Variants in GPC6 observed in about 807,000 individuals in gnomAD.
GPC6 encodes the protein glypican 6.
GPC6 carries 14 observed loss-of-function variants against 55.2 expected under a neutral mutation model. That is an observed-to-expected ratio of 0.25 (90% confidence interval 0.17 to 0.40). GPC6 has a LOEUF of 0.40. GPC6 is among the 10% of genes least tolerant of loss of function. The probability of loss-of-function intolerance (pLI) is 1.00; values close to 1 mark genes in which losing one functional copy is unlikely to be tolerated. For missense variants in GPC6, 641 were observed against 708.5 expected (o/e 0.90, Z 1.08); for synonymous variants, 278 against 259.6 (o/e 1.07, Z -0.68).
Position 93,271,485 on chromosome 13 carries a change from G to A in GPC6, c.160+43869G>A, listed in dbSNP as rs185677142. 5.9e-5 allele frequency among the ~76,000 whole-genome samples: 9 copies of A among 152,046 alleles called. No individual in the cohort carries two copies. The East Asian group carries it at 1.7e-3, about 29-fold the overall frequency. ...ATCCTAGATAAACCCTAAGACAGTTGATAAAATGCAGGCGTGACATGTATC... is the reference window on the plus strand; with the variant it reads ...ATCCTAGATAAACCCTAAGACAGTTAATAAAATGCAGGCGTGACATGTATC... On this transcript the variant is annotated intron_variant, in intron 1 of 8. Transcript: ENST00000377047.
chr13:93,356,476 G>A (rs1880852022), intron 1 of GPC6, among the ~76,000 whole-genome samples: 2 of 152,162 alleles, frequency 1.3e-5, no homozygotes, highest in Admixed American at 6.5e-5. Flanking sequence ...TGATTACCAA[G>A]GGCAAGGTTC....
chr13:93,863,317 A>G (rs983944938), intron 3 of GPC6, among the ~76,000 whole-genome samples: 5 of 151,710 alleles, frequency 3.3e-5, no homozygotes, highest in African/African-American at 4.8e-5. Flanking sequence ...TAGATTCAAC[A>G]GAGACCATAT....
At chr13:93,605,243 T>A (rs1878189485) in intron 2 of GPC6, among the ~76,000 whole-genome samples, 1 of 152,184 alleles carries the variant, frequency 6.6e-6, no homozygotes, top group Non-Finnish European at 1.5e-5. Flanking sequence ...ACCATATTAA[T>A]GCAAATCCTA....
At chr13:94,264,177 G>A (rs2139053177) in intron 4 of GPC6, among the ~76,000 whole-genome samples, 1 of 152,274 alleles carries the variant, frequency 6.6e-6, no homozygotes, top group South Asian at 2.1e-4. Flanking sequence ...TTGTTGATAT[G>A]ACAAAGGATC....
chr13:93,496,108 C>T (rs970459332), intron 1 of GPC6, among the ~76,000 whole-genome samples: 3 of 152,106 alleles, frequency 2.0e-5, no homozygotes, highest in Admixed American at 6.5e-5. Flanking sequence ...CAATGGTTGG[C>T]GCCCCTCCCC....
intron 2 of GPC6, among the ~76,000 whole-genome samples, chr13:93,685,241 C>T (rs1456878684): frequency 1.3e-5 from 2 of 152,128 alleles, no homozygotes; most frequent in Admixed American, 6.5e-5. Context: ...GGACTGAGAG[C>T]CAGGAAGCTT....
chr13:93,374,076 G>C lies in GPC6; in HGVS notation c.160+146460G>C, dbSNP rs188878838. Among the ~76,000 whole-genome samples the C allele has an allele frequency of 3.0e-3, 453 of 152,236 alleles. 5 individuals are homozygous for C. Among genetic ancestry groups the C allele is most frequent in the African/African-American group, 0.01 (427 of 41,562 alleles). ...ATCAGAATCACCTAGGGATCTTTTAGAAAATGTTTCCTGTAGCTATACATA... is the reference window on the plus strand; with the variant it reads ...ATCAGAATCACCTAGGGATCTTTTACAAAATGTTTCCTGTAGCTATACATA... On this transcript the variant is annotated intron_variant, in intron 1 of 8. Transcript: ENST00000377047.
At chr13:94,058,299 A>G (rs1594702012) in intron 4 of GPC6, among the ~76,000 whole-genome samples, 1 of 152,146 alleles carries the variant, frequency 6.6e-6, no homozygotes, top group African/African-American at 2.4e-5. Flanking sequence ...TATTTTTTCC[A>G]TCTGCCAATG....
chr13:93,228,275 C>T (rs1275595247), intron 1 of GPC6, among the ~76,000 whole-genome samples: 3 of 152,216 alleles, frequency 2.0e-5, no homozygotes, highest in Non-Finnish European at 4.4e-5. Context: ...GTGGGGCGGG[C>T]TTTCCCGTTA....
At position 93,540,868 on chromosome 13, in the gene GPC6, TA is replaced by T. The variant is rs374018653; in HGVS notation, c.161-4394del. On this transcript the variant is annotated intron_variant, in intron 1 of 8. Transcript: ENST00000377047. ...TTCCTCTACCCTTCCCAGCCTCTAG[TA>T]TCCTCTGTTCTGCTTTCAACTTCCA... Among the ~76,000 whole-genome samples, 855 of 152,292 alleles carry T rather than the reference TA, an allele frequency of 5.6e-3. 9 individuals carry two copies. The highest frequency in any genetic ancestry group is 0.02 in the African/African-American group (817 of 41,558).
At chr13:94,170,073 G>T (rs1888507315) in intron 4 of GPC6, among the ~76,000 whole-genome samples, 1 of 152,028 alleles carries the variant, frequency 6.6e-6, no homozygotes, top group Non-Finnish European at 1.5e-5. Flanking sequence ...GGCAAGAAAA[G>T]GAAATGCTAA....
intron 2 of GPC6, among the ~76,000 whole-genome samples, chr13:93,801,837 G>T (rs529330391): frequency 6.6e-6 from 1 of 152,256 alleles, no homozygotes; most frequent in Non-Finnish European, 1.5e-5. Context: ...TGACTTCCTT[G>T]TAAGTACCTT....
chr13:93,399,030 TC>T (rs1363083585), intron 1 of GPC6, among the ~76,000 whole-genome samples: 1 of 146,862 alleles, frequency 6.8e-6, no homozygotes, highest in Non-Finnish European at 1.5e-5. Flanking sequence ...CAGTTCCCTC[TC>T]CCCACATCTC....
chr13:94,225,533 T>A (rs1890524135), intron 4 of GPC6, among the ~76,000 whole-genome samples: 1 of 152,062 alleles, frequency 6.6e-6, no homozygotes, highest in African/African-American at 2.4e-5. Flanking sequence ...TGCAAAAAAA[T>A]TTTGAAATCC....
At chr13:94,262,129 A>C (rs1474310120) in intron 4 of GPC6, among the ~76,000 whole-genome samples, 1 of 152,190 alleles carries the variant, frequency 6.6e-6, no homozygotes, top group Non-Finnish European at 1.5e-5. Context: ...CAAATTCATC[A>C]GCTGAAATGT....
At chr13:93,886,522 T>G (rs757386620) in intron 3 of GPC6, among the ~76,000 whole-genome samples, 5 of 152,026 alleles carry the variant, frequency 3.3e-5, no homozygotes, top group Non-Finnish European at 5.9e-5. Flanking sequence ...TCTTGAAAAT[T>G]TTGGCTATAT....
At chr13:93,253,655 T>C (rs1876859438) in intron 1 of GPC6, among the ~76,000 whole-genome samples, 1 of 152,128 alleles carries the variant, frequency 6.6e-6, no homozygotes, top group African/African-American at 2.4e-5. Flanking sequence ...AATTGTTCTT[T>C]GATATAAATG....
At chr13:94,138,796 G>C (rs773478928) in intron 4 of GPC6, among the ~76,000 whole-genome samples, 3 of 152,140 alleles carry the variant, frequency 2.0e-5, no homozygotes, top group Non-Finnish European at 4.4e-5. Flanking sequence ...TAGCGACAAG[G>C]ATGGCAGAAG....
intron 4 of GPC6, among the ~76,000 whole-genome samples, chr13:94,140,341 C>G (rs1887329704): frequency 6.6e-6 from 1 of 152,198 alleles, no homozygotes; most frequent in Non-Finnish European, 1.5e-5. Flanking sequence ...TCACAATACA[C>G]TAAACTAGTT....
Sources: allele counts gnomAD v4.1 joint callset (sites outside exome capture counted in the v4.1 genomes callset), GRCh38; gene constraint gnomAD v4.1.1; transcripts MANE v1.5; gene names NCBI Gene and HGNC (gene_info 2026-07-23, HGNC 2026-07-21).